CNTNAP5: variants seen among roughly 807,000 people sequenced by gnomAD.
The protein encoded by CNTNAP5 is contactin associated protein family member 5.
Under a neutral mutation model 150.2 loss-of-function variants are expected in CNTNAP5, and 72 were observed. The ratio of observed to expected loss-of-function variants is 0.48; its 90% CI spans 0.40 to 0.58. The LOEUF (loss-of-function observed/expected upper bound fraction) is 0.58. Among genes scored for constraint, CNTNAP5 ranks in the 20% least tolerant of loss-of-function variants. CNTNAP5 has a pLI of 0.00. For missense variants in CNTNAP5, 1,636 were observed against 1,626.2 expected, an observed-to-expected ratio of 1.01 and a Z score of -0.10; for synonymous variants, 672 against 619.8, an observed-to-expected ratio of 1.08 and a Z score of -1.25.
At chr2:124,575,632 C>T (rs1011246641) in intron 11 of CNTNAP5, among the ~76,000 whole-genome samples, 3 of 152,196 alleles carry the variant, frequency 2.0e-5, no homozygotes, top group Non-Finnish European at 4.4e-5. Flanking sequence ...ACTCTATGCT[C>T]TGCTCTAGTA....
chr2:124,853,988 T>C (rs1677289542), intron 19 of CNTNAP5, among the ~76,000 whole-genome samples: 1 of 152,212 alleles, frequency 6.6e-6, no homozygotes, highest in African/African-American at 2.4e-5. Context: ...AGACATGATC[T>C]CATTCTTTTT....
At chr2:124,681,115 T>C (rs535160076) in intron 13 of CNTNAP5, among the ~76,000 whole-genome samples, 1 of 150,158 alleles carries the variant, frequency 6.7e-6, no homozygotes, top group African/African-American at 2.4e-5. Flanking sequence ...TGAAACCTCA[T>C]CTCTACTAAA....
At chr2:124,690,451 C>T (rs1188303821) in intron 13 of CNTNAP5, among the ~76,000 whole-genome samples, 2 of 152,094 alleles carry the variant, frequency 1.3e-5, no homozygotes, top group Non-Finnish European at 2.9e-5. Context: ...TTCTTGTCTG[C>T]AATACTTAAT....
intron 3 of CNTNAP5, among the ~76,000 whole-genome samples, chr2:124,293,030 GTTA>G (rs1688339624): frequency 6.6e-6 from 1 of 151,782 alleles, no homozygotes; most frequent in Non-Finnish European, 1.5e-5. Context: ...AAGAATAATT[GTTA>G]TTTTAGTTTT....
At chr2:124,026,177 C>T (rs1680882236) in intron 1 of CNTNAP5, among the ~76,000 whole-genome samples, 2 of 152,274 alleles carry the variant, frequency 1.3e-5, no homozygotes, top group African/African-American at 2.4e-5. Context: ...ATACCAAGCA[C>T]CCCACGATAC....
intron 3 of CNTNAP5, among the ~76,000 whole-genome samples, chr2:124,399,691 T>C (rs1691354442): frequency 6.6e-6 from 1 of 152,116 alleles, no homozygotes; most frequent in Non-Finnish European, 1.5e-5. Context: ...GAGTAGTTTG[T>C]GGGGTTAACA....
At chr2:124,822,699 T>A (rs1464196987) in intron 19 of CNTNAP5, among the ~76,000 whole-genome samples, 1 of 152,230 alleles carries the variant, frequency 6.6e-6, no homozygotes, top group Non-Finnish European at 1.5e-5. Context: ...AGATCTGTGA[T>A]GTTTATACAG....
chr2:124,360,185 G>T (rs1455444554), intron 3 of CNTNAP5, among the ~76,000 whole-genome samples: 7 of 149,304 alleles, frequency 4.7e-5, no homozygotes, highest in Admixed American at 2.7e-4. Context: ...CTTTTATTTT[G>T]AGCCTATGTG....
At chr2:124,783,756 G>A (rs181991972) in intron 17 of CNTNAP5, among the ~76,000 whole-genome samples, 24 of 152,086 alleles carry the variant, frequency 1.6e-4, no homozygotes, top group South Asian at 4.2e-4. Flanking sequence ...TAAATTCTTC[G>A]TTCTGATCAC....
chr2:124,424,918 T>A (rs1342837348), intron 4 of CNTNAP5, among the ~76,000 whole-genome samples: 2 of 152,236 alleles, frequency 1.3e-5, no homozygotes, highest in Non-Finnish European at 2.9e-5. Context: ...TGTTTCCTGA[T>A]GAATTAATGC....
intron 10 of CNTNAP5, among the ~76,000 whole-genome samples, chr2:124,529,882 C>G (rs1250720974): frequency 6.6e-6 from 1 of 152,122 alleles, no homozygotes; most frequent in East Asian, 1.9e-4. Context: ...TTGTCCTACC[C>G]CTTCTTTTTC....
chr2:124,309,309 A>G (rs1484153279), intron 3 of CNTNAP5, among the ~76,000 whole-genome samples: 1 of 152,154 alleles, frequency 6.6e-6, no homozygotes, highest in Non-Finnish European at 1.5e-5. Context: ...ACTCTAAAGG[A>G]CCATTGTACA....
chr2:124,250,291 G>C (rs1687140445), intron 3 of CNTNAP5, among the ~76,000 whole-genome samples: 1 of 152,130 alleles, frequency 6.6e-6, no homozygotes, highest in African/African-American at 2.4e-5. Flanking sequence ...AATCTCAGGT[G>C]CTGCTGGTGC....
intron 3 of CNTNAP5, among the ~76,000 whole-genome samples, chr2:124,393,236 C>T (rs1034931521): frequency 6.6e-6 from 1 of 152,004 alleles, no homozygotes; most frequent in Non-Finnish European, 1.5e-5. Context: ...CTTTAATTTC[C>T]AAGTGACAAT....
chr2:124,728,553 T>C (rs527934769), intron 13 of CNTNAP5, among the ~76,000 whole-genome samples: 1 of 152,188 alleles, frequency 6.6e-6, no homozygotes, highest in South Asian at 2.1e-4. Flanking sequence ...ATGTTGTTCT[T>C]TATTTCAATG....
chr2:124,236,674 C>T (rs1383850268), intron 2 of CNTNAP5, among the ~76,000 whole-genome samples: 2 of 152,076 alleles, frequency 1.3e-5, no homozygotes, highest in Admixed American at 6.6e-5. Context: ...AAAGATGTGG[C>T]TAGTGATTCA....
intron 2 of CNTNAP5, among the ~76,000 whole-genome samples, chr2:124,225,364 T>C (rs1366818746): frequency 2.0e-5 from 3 of 152,152 alleles, no homozygotes; most frequent in Non-Finnish European, 4.4e-5. Flanking sequence ...ATCTGTGTAG[T>C]GCTATTGGCC....
intron 11 of CNTNAP5, among the ~76,000 whole-genome samples, chr2:124,599,311 T>G (rs1162187464): frequency 2.6e-5 from 4 of 152,204 alleles, no homozygotes; most frequent in Non-Finnish European, 5.9e-5. Flanking sequence ...TCTACTGATT[T>G]GAGTTGCCTT....
At position 124,412,838 on chromosome 2, in the gene CNTNAP5, A is replaced by C. The variant is rs1296835633; in HGVS notation, c.382-4605A>C. On this transcript the variant is annotated intron_variant, in intron 3 of 23. Transcript: ENST00000682447. ...GGCATGGGCAAGGACTTCATGTCCA[A>C]AACACCAAAAGCAATGGCAACAAAA... 3.4e-4 allele frequency among the ~76,000 whole-genome samples: 34 copies of C among 100,374 alleles called. 2 individuals are homozygous for C. Among genetic ancestry groups the C allele is most frequent in the African/African-American group, 1.1e-3 (27 of 24,576 alleles). 65.8% of individuals were successfully genotyped at this position (100,374 alleles called of 152,430 possible).
Sources: allele counts gnomAD v4.1 joint callset (sites outside exome capture counted in the v4.1 genomes callset), GRCh38; gene constraint gnomAD v4.1.1; transcripts MANE v1.5; gene names NCBI Gene and HGNC (gene_info 2026-07-23, HGNC 2026-07-21).